ZNF287: variants seen among roughly 807,000 people sequenced by gnomAD.
ZNF287 encodes the protein zinc finger protein 287.
A neutral mutation model predicts 73.7 loss-of-function variants in ZNF287; 31 were observed. That is an observed-to-expected ratio of 0.42 (90% confidence interval 0.32 to 0.57). The LOEUF is 0.57. ZNF287 is among the 20% of genes least tolerant of loss of function. The pLI, the probability that ZNF287 is intolerant of heterozygous loss-of-function variation, is 0.13. For synonymous variants in ZNF287, 301 were observed against 307.2 expected (o/e 0.98, Z 0.21); for missense variants, 641 against 909.3 (o/e 0.70, Z 3.79).
chr17:16,554,869 A>G (rs557609598), intron 5 of ZNF287, among the ~76,000 whole-genome samples: 2 of 152,348 alleles, frequency 1.3e-5, no homozygotes, highest in South Asian at 4.1e-4. Flanking sequence ...GCAGTGAGCC[A>G]TGATCGCCCC....
At chr17:16,554,343 T>C (rs901381507) in intron 5 of ZNF287, among the ~76,000 whole-genome samples, 3 of 152,094 alleles carry the variant, frequency 2.0e-5, no homozygotes, top group Non-Finnish European at 2.9e-5. Flanking sequence ...CCAGCTAATA[T>C]TTCTATTTTT....
chr17:16,552,764 CT>C lies in ZNF287; in HGVS notation c.1377del (p.Asp460ThrfsTer36). ...GTAAGGTGTGCACGCTGACTGAAGT[CT>C]TTCCCACAGTCATCACACTTATAGG... is the stretch of plus-strand genomic sequence containing the variant. ...EKPYKCDDCG[K>X]DFSQRAHLTI... On this transcript the variant is annotated frameshift_variant, in exon 6 of 6. Transcript: ENST00000395825. LOFTEE classifies it high-confidence loss of function. The surrounding 1 kb of genome is among the most constrained non-coding windows in gnomAD (Gnocchi z 6.5). 1 of 1,614,026 alleles carries C rather than the reference CT, an allele frequency of 6.2e-7. No individual in the cohort carries two copies. The highest frequency in any genetic ancestry group is 8.5e-7 in the Non-Finnish European group (1 of 1,179,986).
chr17:16,563,835 C>T lies in ZNF287; in HGVS notation c.502-10G>A, dbSNP rs1457535546. 12 of 1,611,656 alleles carry T rather than the reference C, an allele frequency of 7.4e-6. No homozygotes were observed. The highest frequency in any genetic ancestry group is 1.0e-5 in the Non-Finnish European group (12 of 1,178,624). On this transcript the variant is annotated splice_polypyrimidine_tract_variant and intron_variant, in intron 3 of 5. Coordinates refer to ENST00000395825, the MANE Select transcript of ZNF287 (RefSeq NM_020653.4). ...TGAATGTCATCGATTCCTAAAATAT[C>T]AAATGTAACTTAACTCAGTTCAAGA... is the stretch of plus-strand genomic sequence containing the variant.
intron 5 of ZNF287, among the ~76,000 whole-genome samples, chr17:16,559,542 TTAAG>T (rs540101254): frequency 2.2e-3 from 330 of 149,786 alleles, no homozygotes; most frequent in Admixed American, 3.6e-3. Flanking sequence ...GAATTGGAGT[TTAAG>T]TATGAACTCC....
Position 16,567,314 on chromosome 17 carries a change from C to CTCCTCT in ZNF287, c.403+14_403+15insAGAGGA, listed in dbSNP as rs1252245322. ...CACCCAGGGATTCCTCCCCTCTCTG[C>CTCCTCT]TCTATGATTCTCACCTTCCTCTTCT... On this transcript the variant is annotated intron_variant, in intron 2 of 5. Coordinates refer to ENST00000395825, the MANE Select transcript of ZNF287 (RefSeq NM_020653.4). 6.2e-7 allele frequency: 1 copy of CTCCTCT among 1,603,176 alleles called. No individual in the cohort carries two copies. Among genetic ancestry groups the CTCCTCT allele is most frequent in the Non-Finnish European group, 8.5e-7 (1 of 1,173,850 alleles).
rs551355650 is a variant in ZNF287 at position 16,565,435 on chromosome 17, G to GAT, written c.501+1088_501+1089dup. ...TCTCATTTTTATATGTATATATGTA[G>GAT]ATATATATATAAGTATATATATGTA... On this transcript the variant is annotated intron_variant, in intron 3 of 5. Transcript: ENST00000395825. 3.1e-3 allele frequency among the ~76,000 whole-genome samples: 464 copies of GAT among 150,864 alleles called. 2 individuals are homozygous for GAT. Among genetic ancestry groups the GAT allele is most frequent in the African/African-American group, 0.011 (442 of 41,148 alleles).
rs1244442596 is a variant in ZNF287 at position 16,552,039 on chromosome 17, C to T, written c.2103G>A (p.Glu701=). 1.9e-6 allele frequency: 3 copies of T among 1,613,948 alleles called. No homozygotes were observed. The highest frequency in any genetic ancestry group is 1.1e-5 in the South Asian group (1 of 91,082). Residue 701 remains glutamate, a synonymous_variant, in exon 6 of 6, where the codon GAG becomes GAA. Coordinates refer to ENST00000395825, the MANE Select transcript of ZNF287 (RefSeq NM_020653.4). The surrounding 1 kb of genome is among the most constrained non-coding windows in gnomAD (Gnocchi z 6.5). ...LNQHQRTHTG[E]RPYKCNECDK... The stretch of plus-strand genomic sequence containing the variant: ...CACATTCATTACATTTATAGGGTCT[C>T]TCTCCAGTATGAGTTCTCTGATGTT...
In ZNF287 at chr17:16,563,250, A is replaced by G. The variant is rs758428549; in HGVS notation, c.629-18T>C. 5.1e-6 allele frequency: 8 copies of G among 1,572,326 alleles called. No homozygotes were observed. In the Admixed American group the frequency reaches 5.5e-5, roughly 11 times the overall value. On this transcript the variant is annotated intron_variant, in intron 4 of 5. Coordinates refer to ENST00000395825, the MANE Select transcript of ZNF287 (RefSeq NM_020653.4). ...TGTAAGTCCTGTTCAGGAGGAATAT[A>G]AAGAATTTTATCCTGGAGATAAATG...
At chr17:16,559,602 C>CACACACACA (rs1907293734) in intron 5 of ZNF287, among the ~76,000 whole-genome samples, 1 of 151,942 alleles carries the variant, frequency 6.6e-6, no homozygotes. Flanking sequence ...CACACACACA[C>CACACACACA]ACTTCCTAGC....
chr17:16,566,519 A>G lies in ZNF287; in HGVS notation c.501+6T>C. 1 of 1,610,466 alleles carries G rather than the reference A, an allele frequency of 6.2e-7. No homozygotes were observed. Among genetic ancestry groups the G allele is most frequent in the African/African-American group, 1.3e-5 (1 of 74,850 alleles). ...TTTTAAAATCAGAAAAGACAGTCAC[A>G]CTCACTTTGGTCACCAAGTCATTTA... On this transcript the variant is annotated splice_donor_region_variant and intron_variant, in intron 3 of 5. Transcript: ENST00000395825.
intron 5 of ZNF287, among the ~76,000 whole-genome samples, chr17:16,559,940 C>T (rs1907315690): frequency 6.6e-6 from 1 of 151,754 alleles, no homozygotes; most frequent in African/African-American, 2.4e-5. Context: ...ACATACACAT[C>T]CATATATATA....
chr17:16,553,931 A>T (rs929294333), intron 5 of ZNF287, among the ~76,000 whole-genome samples: 6 of 152,214 alleles, frequency 3.9e-5, no homozygotes, highest in Admixed American at 1.3e-4. Context: ...ATAGCAGCAT[A>T]AGCATCACTA....
At chr17:16,563,311 C>G (rs981520193) in intron 4 of ZNF287, 79 bp from the exon 5 acceptor site, 1 of 1,016,790 alleles carries the variant, frequency 9.8e-7, no homozygotes, top group Non-Finnish European at 1.5e-6. Context: ...TTCTACCTAT[C>G]TGGGAGAACA....
Position 16,549,189 on chromosome 17 carries a change from T to C in ZNF287, c.*2667A>G, listed in dbSNP as rs1302869195. On this transcript the variant is annotated 3_prime_UTR_variant, in exon 6 of 6. Transcript: ENST00000395825. Reference sequence around the variant, plus strand: ...AAAAAGTTCTGGAAAATAAGGCTATTTGCTAAAAACTGTTGAATAATTTGC... The same window carrying C: ...AAAAAGTTCTGGAAAATAAGGCTATCTGCTAAAAACTGTTGAATAATTTGC... Among the ~76,000 whole-genome samples the C allele has an allele frequency of 6.6e-6, 1 of 152,208 alleles. No individual in the cohort carries two copies. The highest frequency in any genetic ancestry group is 1.5e-5 in the Non-Finnish European group (1 of 68,022).
At chr17:16,554,513 C>G (rs1346026612) in intron 5 of ZNF287, among the ~76,000 whole-genome samples, 1 of 152,208 alleles carries the variant, frequency 6.6e-6, no homozygotes, top group African/African-American at 2.4e-5. Flanking sequence ...TCTCTAGATG[C>G]CATGCTAATC....
chr17:16,568,078 G>A, intron 1 of ZNF287, 149 bp from the exon 2 acceptor site: 1 of 714,100 alleles, frequency 1.4e-6, no homozygotes, highest in Admixed American at 5.4e-5. Flanking sequence ...GACTTGTAAG[G>A]GAACTGCCAT....
intron 5 of ZNF287, among the ~76,000 whole-genome samples, chr17:16,554,494 T>C (rs1255090399): frequency 6.6e-6 from 1 of 152,192 alleles, no homozygotes; most frequent in Non-Finnish European, 1.5e-5. Context: ...CACTACTTCT[T>C]CATAATCTTC....
At position 16,552,384 on chromosome 17, in the gene ZNF287, G is replaced by GT; in HGVS notation, c.1757dup (p.His586GlnfsTer10). ...TACATATATAGGATTTCTCTCCAGTGTGAGTGGTTTGATGTTGAATAAGGG... is the reference window on the plus strand; with the variant it reads ...TACATATATAGGATTTCTCTCCAGTGTTGAGTGGTTTGATGTTGAATAAGGG... On this transcript the variant is annotated frameshift_variant, in exon 6 of 6. Coordinates refer to ENST00000395825, the MANE Select transcript of ZNF287 (RefSeq NM_020653.4). LOFTEE classifies it high-confidence loss of function. The surrounding 1 kb of genome is among the most constrained non-coding windows in gnomAD (Gnocchi z 6.5). The GT allele has an allele frequency of 6.2e-7, 1 of 1,614,002 alleles. No homozygotes were observed.
rs374770008 is a variant in ZNF287 at position 16,563,689 on chromosome 17, T to G, written c.628+10A>C. On this transcript the variant is annotated intron_variant, in intron 4 of 5. Coordinates refer to ENST00000395825, the MANE Select transcript of ZNF287 (RefSeq NM_020653.4). ...AGGCTCGGAGGAGGAGGGATGCAGA[T>G]GATCCTTACCCAGAGAAACCATGTT... 2 of 1,611,020 alleles carry G rather than the reference T, an allele frequency of 1.2e-6. No individual in the cohort carries two copies. The highest frequency in any genetic ancestry group is 1.7e-6 in the Non-Finnish European group (2 of 1,178,360).
Sources: gnomAD v4.1 joint callset for allele counts (sites outside exome capture counted in the v4.1 genomes callset) on GRCh38, gnomAD v4.1.1 for gene constraint, Gnocchi (gnomAD v3.1) non-coding constraint, MANE v1.5 for transcripts, NCBI Gene and HGNC (gene_info 2026-07-23, HGNC 2026-07-21) for gene names.